The following URI1 variants were observed in gnomAD, a reference collection of about 807,000 sequenced individuals.
URI1 encodes the protein URI1 prefoldin like chaperone.
In URI1, 39 loss-of-function variants were observed where a neutral mutation model predicts 60.2. The ratio of observed to expected loss-of-function variants is 0.65; its 90% CI spans 0.50 to 0.85. The LOEUF (loss-of-function observed/expected upper bound fraction) is 0.85, where lower values mean the gene tolerates loss of function less well. Ranked by LOEUF, URI1 falls within the 40% of genes least tolerant of loss-of-function variation. URI1 has a pLI of 0.00. For missense variants in URI1, 691 were observed against 665.9 expected (o/e 1.04, Z -0.42); for synonymous variants, 251 against 236.8 (o/e 1.06, Z -0.55).
chr19:29,948,985 G>C (rs1173664199), intron 1 of URI1, among the ~76,000 whole-genome samples: 1 of 148,692 alleles, frequency 6.7e-6, no homozygotes, highest in Non-Finnish European at 1.5e-5. Context: ...CCTCCCGGAC[G>C]GGGCGGCTGG....
intron 1 of URI1, among the ~76,000 whole-genome samples, chr19:29,947,268 G>A (rs539513647): frequency 1.3e-5 from 2 of 152,160 alleles, no homozygotes; most frequent in African/African-American, 4.8e-5. Context: ...AGAAATGGAC[G>A]GATGGAATTA....
intron 8 of URI1, among the ~76,000 whole-genome samples, chr19:30,009,714 T>C (rs1223056388): frequency 1.3e-5 from 2 of 152,186 alleles, no homozygotes; most frequent in Non-Finnish European, 1.5e-5. Context: ...GTGACTGCAT[T>C]AGTTAAATTT....
chr19:29,977,474 GTC>G (rs949419428), intron 2 of URI1, among the ~76,000 whole-genome samples: 3 of 151,270 alleles, frequency 2.0e-5, no homozygotes, highest in Admixed American at 2.0e-4. Flanking sequence ...GTTTTTCAGA[GTC>G]TGTATTTTAC....
At chr19:29,925,988 T>TG (rs1200740340) in intron 1 of URI1, 2 of 152,324 alleles carry the variant, frequency 1.3e-5, no homozygotes, top group Admixed American at 6.5e-5. Flanking sequence ...TTACCAGGAC[T>TG]GGGGGGAGGA....
upstream of URI1, among the ~76,000 whole-genome samples, chr19:29,939,278 A>AAGCTGATCATTTGAAAGTGTGATAAGTGC (rs1555735270): frequency 7.7e-6 from 1 of 130,000 alleles, no homozygotes; most frequent in African/African-American, 2.9e-5. Context: ...CGCCTTGCCA[A>AAGCTGATCATTTGAAAGTGTGATAAGTGC]TTTTTTTTTT....
chr19:29,937,561 A>G (rs1323416482), upstream of URI1: 2 of 152,176 alleles, frequency 1.3e-5, no homozygotes, highest in South Asian at 4.1e-4. Context: ...GTTTGTTTAG[A>G]GACTTTTCCA....
chr19:29,961,395 T>C (rs1347738853), intron 1 of URI1, among the ~76,000 whole-genome samples: 2 of 152,140 alleles, frequency 1.3e-5, no homozygotes, highest in African/African-American at 2.4e-5. Context: ...TACCTTTAAG[T>C]GGAATCATAG....
In URI1 at chr19:30,005,675, C is replaced by T; in HGVS notation, c.484C>T (p.Arg162Ter). 2.5e-6 allele frequency: 4 copies of T among 1,611,280 alleles called. No homozygotes were observed. The highest frequency in any genetic ancestry group is 2.2e-5 in the East Asian group (1 of 44,700). ...SDAAGDIVDIREEIKCDFEFK... is the reference protein window; with the variant it reads ...SDAAGDIVDI ...GGCTGCAGGTGATATTGTTGACATA[C>T]GAGAAGAAATTAAATGTGACTTCGA... The change falls in exon 6 of 11, where the codon CGA becomes TGA. Residue 162 changes from arginine to a stop codon, truncating the protein, a stop_gained. Coordinates refer to ENST00000392271, the MANE Select transcript of URI1 (RefSeq NM_003796.3). LOFTEE classifies it high-confidence loss of function.
intron 10 of URI1, among the ~76,000 whole-genome samples, chr19:30,013,204 A>G (rs921025705): frequency 6.6e-6 from 1 of 152,214 alleles, no homozygotes; most frequent in South Asian, 2.1e-4. Context: ...GAAGTTTTCA[A>G]TTTAAAAAGT....
At chr19:30,009,440 C>T (rs2055991044) in intron 8 of URI1, 87 bp downstream of exon 8, 6 of 1,232,486 alleles carry the variant, frequency 4.9e-6, no homozygotes, top group East Asian at 2.4e-5. Flanking sequence ...TATTAACAAT[C>T]ATTATCATTG....
chr19:29,996,084 A>G (rs1416140706), intron 4 of URI1, among the ~76,000 whole-genome samples: 1 of 151,946 alleles, frequency 6.6e-6, no homozygotes, highest in African/African-American at 2.4e-5. Flanking sequence ...TGTTTTGGTT[A>G]TTGGGGAACC....
At position 29,950,770 on chromosome 19, in the gene URI1, A is replaced by G. The variant is rs181981196; in HGVS notation, c.117+8106A>G. On this transcript the variant is annotated intron_variant, in intron 1 of 10. Coordinates refer to ENST00000392271, the MANE Select transcript of URI1 (RefSeq NM_003796.3). ...AAATGTCCTTTATAACTCTCTTTCA[A>G]TGCAAGAGCCAATCAGAGATTACTA... Among the ~76,000 whole-genome samples, 16 of 152,268 alleles carry G rather than the reference A, an allele frequency of 1.1e-4. No individual in the cohort carries two copies. The South Asian group carries it at 1.7e-3, about 16-fold the overall frequency.
chr19:29,982,991 C>T (rs578209315), intron 2 of URI1, among the ~76,000 whole-genome samples: 1 of 152,170 alleles, frequency 6.6e-6, no homozygotes, highest in Non-Finnish European at 1.5e-5. Flanking sequence ...GATTCACTCT[C>T]TGGTCTGACT....
intron 1 of URI1, among the ~76,000 whole-genome samples, chr19:29,962,599 T>A (rs2055340537): frequency 7.1e-6 from 1 of 140,858 alleles, no homozygotes; most frequent in Non-Finnish European, 1.5e-5. Flanking sequence ...TTTACCCATC[T>A]TTTTTTTTTT....
chr19:29,928,422 G>A (rs914096596), intron 1 of URI1, among the ~76,000 whole-genome samples: 2 of 152,130 alleles, frequency 1.3e-5, no homozygotes, highest in African/African-American at 2.4e-5. Context: ...AGTCTGGGCC[G>A]ATGTCACGAA....
Position 30,015,538 on chromosome 19 carries a change from T to C in URI1, c.*469T>C. 6.5e-7 allele frequency: 1 copy of C among 1,535,136 alleles called. No individual in the cohort carries two copies. Among genetic ancestry groups the C allele is most frequent in the Non-Finnish European group, 8.7e-7 (1 of 1,146,342 alleles). ...AAAAAAATCTACTTCTCTTGTAGGT[T>C]TTGCGGCTAGTTGGCTATTCAAGAA... On this transcript the variant is annotated 3_prime_UTR_variant, in exon 11 of 11. Transcript: ENST00000392271.
chr19:29,967,748 T>G (rs890307752), intron 1 of URI1, among the ~76,000 whole-genome samples: 3 of 152,210 alleles, frequency 2.0e-5, no homozygotes, highest in Admixed American at 6.5e-5. Context: ...CTGTGCACTT[T>G]AGGATTAGAT....
intron 7 of URI1, among the ~76,000 whole-genome samples, chr19:30,008,527 A>G (rs1294657716): frequency 1.3e-5 from 2 of 152,096 alleles, no homozygotes; most frequent in Non-Finnish European, 2.9e-5. Context: ...AGTATGATAA[A>G]TGTTCACTCA....
Position 29,942,516 on chromosome 19 carries a change from T to G in URI1, c.-32T>G. On this transcript the variant is annotated 5_prime_UTR_variant, in exon 1 of 11. Coordinates refer to ENST00000392271, the MANE Select transcript of URI1 (RefSeq NM_003796.3). ...GCCTGCGCAGGCGCTGGTTCAGGACTCACACGCCGCGCTGAGGCCCGCGGG... is the reference window on the plus strand; with the variant it reads ...GCCTGCGCAGGCGCTGGTTCAGGACGCACACGCCGCGCTGAGGCCCGCGGG... 7.5e-7 allele frequency: 1 copy of G among 1,340,804 alleles called. No individual in the cohort carries two copies. The highest frequency in any genetic ancestry group is 9.6e-7 in the Non-Finnish European group (1 of 1,044,152). 83.1% of individuals were successfully genotyped at this position (1,340,804 alleles called of 1,614,324 possible).
Sources: allele counts gnomAD v4.1 joint callset (sites outside exome capture counted in the v4.1 genomes callset), GRCh38; gene constraint gnomAD v4.1.1; transcripts MANE v1.5; gene names NCBI Gene and HGNC (gene_info 2026-07-23, HGNC 2026-07-21).